The following CAMTA1 variants were observed in gnomAD, a reference collection of about 807,000 sequenced individuals.
CAMTA1 encodes calmodulin binding transcription activator 1.
A neutral mutation model predicts 170.9 loss-of-function variants in CAMTA1; 27 were observed. The observed-to-expected ratio is 0.16, with a 90% CI of 0.12 to 0.22. The LOEUF (loss-of-function observed/expected upper bound fraction) is 0.22. Among genes scored for constraint, CAMTA1 ranks in the 10% least tolerant of loss-of-function variants. The pLI, the probability that CAMTA1 is intolerant of heterozygous loss-of-function variation, is 1.00. For missense variants in CAMTA1, 1,619 were observed against 2,217.2 expected (o/e 0.73, Z 5.42); for synonymous variants, 833 against 891.5 (o/e 0.93, Z 1.17).
intron 11 of CAMTA1, among the ~76,000 whole-genome samples, chr1:7,719,194 T>A (rs1293202531): frequency 6.6e-6 from 1 of 152,160 alleles, no homozygotes; most frequent in Non-Finnish European, 1.5e-5. Flanking sequence ...GACAGCAGAG[T>A]TGGCTCCTGC....
intron 6 of CAMTA1, among the ~76,000 whole-genome samples, chr1:7,518,382 C>G (rs2094315748): frequency 6.6e-6 from 1 of 151,892 alleles, no homozygotes; most frequent in Non-Finnish European, 1.5e-5. Context: ...TGACCCCTAT[C>G]CACATCAACT....
intron 3 of CAMTA1, among the ~76,000 whole-genome samples, chr1:6,981,759 C>A (rs1222274525): frequency 6.6e-6 from 1 of 151,832 alleles, no homozygotes. Flanking sequence ...GAGACAGAAT[C>A]TTGCTCTGTT....
chr1:7,139,529 C>T (rs1168270671), intron 4 of CAMTA1, among the ~76,000 whole-genome samples: 1 of 151,948 alleles, frequency 6.6e-6, no homozygotes, highest in Non-Finnish European at 1.5e-5. Flanking sequence ...GAGCCCCTCC[C>T]TGGAAAGTCT....
chr1:6,849,578 G>C (rs74446697), intron 3 of CAMTA1, among the ~76,000 whole-genome samples: 2,586 of 151,752 alleles, frequency 0.017, 36 homozygotes, highest in South Asian at 0.032. Context: ...TGAGCAATAG[G>C]GATCAGCAGT....
intron 5 of CAMTA1, among the ~76,000 whole-genome samples, chr1:7,340,544 G>GCCTCCATCCCTC (rs772743867): frequency 9.5e-6 from 1 of 105,426 alleles, no homozygotes. Context: ...CTGCCTGCCT[G>GCCTCCATCCCTC]CCTGCCTGCC....
In CAMTA1 at chr1:7,680,927, C is replaced by G. The variant is rs554738330; in HGVS notation, c.2914+3194C>G. ...GTCCCCGCGGCGCAGCCTTTGTCCC[C>G]GCGGCGTAGCTTTTGTTTGCGCAGC... On this transcript the variant is annotated intron_variant, in intron 11 of 22. Coordinates refer to ENST00000303635, the MANE Select transcript of CAMTA1 (RefSeq NM_015215.4). The surrounding 1 kb of genome is among the most constrained non-coding windows in gnomAD (Gnocchi z 4.4). Among the ~76,000 whole-genome samples, 1 of 148,272 alleles carries G rather than the reference C, an allele frequency of 6.7e-6. No homozygotes were observed. The highest frequency in any genetic ancestry group is 1.5e-5 in the Non-Finnish European group (1 of 66,086).
At chr1:7,498,189 T>TGTTG (rs1282880171) in intron 6 of CAMTA1, among the ~76,000 whole-genome samples, 1 of 134,366 alleles carries the variant, frequency 7.4e-6, no homozygotes, top group East Asian at 3.0e-4. Flanking sequence ...TGTATGAGAG[T>TGTTG]GAGTGTGTGT....
intron 6 of CAMTA1, among the ~76,000 whole-genome samples, chr1:7,637,010 C>A (rs929592234): frequency 6.6e-6 from 1 of 152,228 alleles, no homozygotes; most frequent in African/African-American, 2.4e-5. Flanking sequence ...GGAGGGGATC[C>A]TGGCATCTGA....
intron 3 of CAMTA1, among the ~76,000 whole-genome samples, chr1:6,836,061 A>G (rs771646730): frequency 2.0e-4 from 31 of 152,236 alleles, no homozygotes; most frequent in Admixed American, 3.3e-4. Context: ...CTGCCTGTCT[A>G]CCTGTCTACC....
At position 7,769,646 on chromosome 1, in the gene CAMTA1, G is replaced by C. The variant is rs2150360307; in HGVS notation, c.*3155G>C. On this transcript the variant is annotated 3_prime_UTR_variant, in exon 23 of 23. Coordinates refer to ENST00000303635, the MANE Select transcript of CAMTA1 (RefSeq NM_015215.4). ...GAATTGCCCTTAAAATATGGAAAAT[G>C]TTTTCTGAATGCTTTATATTCTTTC... 1 of 152,728 alleles carries C rather than the reference G, an allele frequency of 6.5e-6. No individual in the cohort carries two copies. The allele number at this position is 152,728 out of a possible 1,614,324, so 9.5% of individuals were successfully genotyped here.
chr1:6,928,234 C>CA (rs1683708416), intron 3 of CAMTA1, among the ~76,000 whole-genome samples: 1 of 152,234 alleles, frequency 6.6e-6, no homozygotes, highest in Non-Finnish European at 1.5e-5. Context: ...TAACAGAAAT[C>CA]AGTCTTGCCG....
intron 5 of CAMTA1, among the ~76,000 whole-genome samples, chr1:7,406,057 A>C (rs981638285): frequency 6.6e-6 from 1 of 152,272 alleles, no homozygotes; most frequent in Non-Finnish European, 1.5e-5. Context: ...GGTGAGGAAC[A>C]GGGGTCCCCA....
chr1:6,806,199 G>T (rs1013808614), intron 1 of CAMTA1, among the ~76,000 whole-genome samples: 1 of 152,148 alleles, frequency 6.6e-6, no homozygotes, highest in Non-Finnish European at 1.5e-5. Context: ...TTAGAGTCTT[G>T]ATTCTATTCC....
chr1:6,833,954 C>A (rs761779508), intron 3 of CAMTA1, among the ~76,000 whole-genome samples: 1 of 152,098 alleles, frequency 6.6e-6, no homozygotes, highest in Non-Finnish European at 1.5e-5. Context: ...GAAGCAGATT[C>A]GAGTCTTGGC....
At chr1:7,110,742 G>T (rs6657346) in intron 4 of CAMTA1, among the ~76,000 whole-genome samples, 1 of 152,196 alleles carries the variant, frequency 6.6e-6, no homozygotes, top group East Asian at 1.9e-4. Flanking sequence ...GGGTTCACCC[G>T]TGATCCCTTT....
intron 11 of CAMTA1, among the ~76,000 whole-genome samples, chr1:7,706,231 G>C (rs1357222095): frequency 6.6e-6 from 1 of 152,146 alleles, no homozygotes; most frequent in Non-Finnish European, 1.5e-5. Context: ...TCCCGGAAGC[G>C]GACTCAGTAA....
intron 4 of CAMTA1, among the ~76,000 whole-genome samples, chr1:7,230,748 C>G (rs1018031595): frequency 1.8e-4 from 28 of 152,310 alleles, no homozygotes; most frequent in South Asian, 1.5e-3. Context: ...GGCAGGGCAG[C>G]CAAGGTGACT....
rs1018521875 is a variant in CAMTA1, at chr1:6,965,756, A to G, written c.235-125548A>G. 6.6e-6 allele frequency among the ~76,000 whole-genome samples: 1 copy of G among 152,228 alleles called. No individual in the cohort carries two copies. Among genetic ancestry groups the G allele is most frequent in the Admixed American group, 6.5e-5 (1 of 15,288 alleles). On this transcript the variant is annotated intron_variant, in intron 3 of 22. Transcript: ENST00000303635. The surrounding 1 kb of genome is among the most constrained non-coding windows in gnomAD (Gnocchi z 4.1). ...GTTATTAGAGTTAGTGCCGGTTGTGACAAAAGCTGCATTTGCATATCGCCG... is the reference window on the plus strand; with the variant it reads ...GTTATTAGAGTTAGTGCCGGTTGTGGCAAAAGCTGCATTTGCATATCGCCG...
rs75172716 is a variant in CAMTA1 at position 7,644,021 on chromosome 1, G to A, written c.664+3468G>A. On this transcript the variant is annotated intron_variant, in intron 7 of 22. Transcript: ENST00000303635. ...TTCATCCCATTTTCACATAAATCGCGTGCCTTCGAAGACTTCACAGTTTGA... is the reference window on the plus strand; with the variant it reads ...TTCATCCCATTTTCACATAAATCGCATGCCTTCGAAGACTTCACAGTTTGA... 5.8e-3 allele frequency among the ~76,000 whole-genome samples: 877 copies of A among 152,334 alleles called. 21 individuals carry two copies. Among genetic ancestry groups the A allele is most frequent in the East Asian group, 0.043 (224 of 5,186 alleles).
Sources: allele counts gnomAD v4.1 joint callset (sites outside exome capture counted in the v4.1 genomes callset), GRCh38; gene constraint gnomAD v4.1.1; non-coding constraint Gnocchi (gnomAD v3.1); transcripts MANE v1.5; gene names NCBI Gene and HGNC (gene_info 2026-07-23, HGNC 2026-07-21).